The following PDE7B variants were observed in gnomAD, a reference collection of about 807,000 sequenced individuals.
PDE7B encodes phosphodiesterase 7B, also known as 3',5'-cyclic-AMP phosphodiesterase 7B.
PDE7B carries 29 observed loss-of-function variants against 56.2 expected under a neutral mutation model. The ratio of observed to expected loss-of-function variants is 0.52; its 90% CI spans 0.38 to 0.70. The LOEUF is 0.70. Among genes scored for constraint, PDE7B ranks in the 30% least tolerant of loss-of-function variants. The pLI is 0.00. For missense variants in PDE7B, 490 were observed against 565.0 expected, an observed-to-expected ratio of 0.87 and a Z score of 1.35; for synonymous variants, 197 against 196.9, an observed-to-expected ratio of 1.00 and a Z score of 0.00.
At chr6:136,119,670 T>A (rs1777896459) in intron 3 of PDE7B, among the ~76,000 whole-genome samples, 1 of 152,198 alleles carries the variant, frequency 6.6e-6, no homozygotes, top group South Asian at 2.1e-4. Flanking sequence ...AGCTTTTAAA[T>A]GAAGACACTC....
At chr6:135,963,369 A>G (rs1774941298) in intron 2 of PDE7B, among the ~76,000 whole-genome samples, 1 of 152,208 alleles carries the variant, frequency 6.6e-6, no homozygotes, top group Admixed American at 6.5e-5. Context: ...ATAAAGGTAC[A>G]GTTATTTTGT....
chr6:136,094,474 C>A (rs566816001), intron 2 of PDE7B, among the ~76,000 whole-genome samples: 5 of 152,280 alleles, frequency 3.3e-5, no homozygotes, highest in African/African-American at 1.2e-4. Flanking sequence ...CCCAGATAGT[C>A]TCTTGGCTTC....
intron 6 of PDE7B, among the ~76,000 whole-genome samples, chr6:136,151,484 C>A (rs1333286196): frequency 6.6e-6 from 1 of 152,090 alleles, no homozygotes; most frequent in Non-Finnish European, 1.5e-5. Context: ...GGGGTGCTAA[C>A]CCCCTGTGTA....
chr6:135,920,548 T>C (rs1774055243), intron 1 of PDE7B, among the ~76,000 whole-genome samples: 1 of 152,170 alleles, frequency 6.6e-6, no homozygotes, highest in Non-Finnish European at 1.5e-5. Context: ...GTGTCACCCA[T>C]ATGATAGTGA....
chr6:136,033,532 T>C (rs1372369083), intron 2 of PDE7B, among the ~76,000 whole-genome samples: 2 of 152,090 alleles, frequency 1.3e-5, no homozygotes, highest in East Asian at 3.9e-4. Context: ...TTAATATTCA[T>C]TTGCAGAGTG....
At chr6:136,107,474 T>A (rs992923114) in intron 2 of PDE7B, among the ~76,000 whole-genome samples, 1 of 152,164 alleles carries the variant, frequency 6.6e-6, no homozygotes, top group African/African-American at 2.4e-5. Context: ...ATCCACTAAG[T>A]ACCAGACAGC....
intron 1 of PDE7B, among the ~76,000 whole-genome samples, chr6:135,939,976 G>A (rs9385749): frequency 0.34 from 52,269 of 152,006 alleles, 9,436 homozygotes; most frequent in Admixed American, 0.49. Flanking sequence ...TACAATGCTA[G>A]AGTAATTCAT....
chr6:136,110,711 C>CTT (rs1562495600), intron 3 of PDE7B, among the ~76,000 whole-genome samples: 1 of 138,634 alleles, frequency 7.2e-6, no homozygotes, highest in African/African-American at 2.8e-5. Flanking sequence ...GATTCTGCAA[C>CTT]ATTTTTTTTT....
chr6:135,932,065 C>T (rs879270533), intron 1 of PDE7B, among the ~76,000 whole-genome samples: 2 of 151,640 alleles, frequency 1.3e-5, no homozygotes, highest in South Asian at 2.1e-4. Flanking sequence ...CTAAGGACCT[C>T]GTGGCTTAAT....
Position 136,169,103 on chromosome 6 carries a change from GT to G in PDE7B, c.712-4688del, listed in dbSNP as rs576734062. 3.6e-3 allele frequency among the ~76,000 whole-genome samples: 545 copies of G among 152,192 alleles called. 3 individuals carry two copies. Among genetic ancestry groups the G allele is most frequent in the Non-Finnish European group, 6.7e-3 (454 of 67,978 alleles). ...TCTGTGGCCTCCCTAAGAAACCTGA[GT>G]TTTTTATGACCTATGAATTCATGAT... On this transcript the variant is annotated intron_variant, in intron 8 of 12. Transcript: ENST00000308191.
intron 2 of PDE7B, among the ~76,000 whole-genome samples, chr6:136,096,731 T>C (rs1777476312): frequency 6.6e-6 from 1 of 152,126 alleles, no homozygotes; most frequent in Non-Finnish European, 1.5e-5. Flanking sequence ...AGTTGACCAA[T>C]TGCAAGCCAA....
At chr6:135,958,176 G>C (rs959812726) in intron 2 of PDE7B, among the ~76,000 whole-genome samples, 9 of 152,110 alleles carry the variant, frequency 5.9e-5, no homozygotes, top group Admixed American at 2.0e-4. Flanking sequence ...AGGTTGCAGT[G>C]AGCCTAGATC....
chr6:136,108,665 T>C (rs1335087112), intron 2 of PDE7B, 66 bp from the exon 3 acceptor site: 8 of 1,053,948 alleles, frequency 7.6e-6, no homozygotes, highest in South Asian at 5.0e-5. Flanking sequence ...ATTGAGGATT[T>C]ACAGGGGAAA....
chr6:136,037,497 C>T, intron 2 of PDE7B: 2 of 985,436 alleles, frequency 2.0e-6, no homozygotes, highest in South Asian at 9.4e-5. Context: ...CACTGAGGAT[C>T]AACCAAGCCC....
intron 2 of PDE7B, among the ~76,000 whole-genome samples, chr6:136,066,298 T>C (rs1776934941): frequency 6.6e-6 from 1 of 152,174 alleles, no homozygotes; most frequent in Non-Finnish European, 1.5e-5. Context: ...CCATGTTTGC[T>C]GTTTGGGTTT....
chr6:135,962,681 G>A (rs1316014404), intron 2 of PDE7B, among the ~76,000 whole-genome samples: 1 of 152,146 alleles, frequency 6.6e-6, no homozygotes, highest in Admixed American at 6.5e-5. Context: ...GGTGGAATAT[G>A]CATAAATAGA....
intron 2 of PDE7B, among the ~76,000 whole-genome samples, chr6:136,001,331 C>T (rs377514563): frequency 2.2e-4 from 33 of 151,938 alleles, no homozygotes; most frequent in East Asian, 1.5e-3. Context: ...TCACCAGCAA[C>T]GGAACAAAGC....
chr6:135,967,072 A>T (rs1264223194), intron 2 of PDE7B, among the ~76,000 whole-genome samples: 2 of 152,172 alleles, frequency 1.3e-5, no homozygotes, highest in East Asian at 3.9e-4. Flanking sequence ...AGGTACACAC[A>T]TCAGCCTGGA....
At chr6:135,975,416 G>C (rs1775168008) in intron 2 of PDE7B, among the ~76,000 whole-genome samples, 2 of 152,102 alleles carry the variant, frequency 1.3e-5, no homozygotes, top group African/African-American at 4.8e-5. Context: ...CCTTCCACTA[G>C]GAAGGATATG....
Sources: allele counts gnomAD v4.1 joint callset (sites outside exome capture counted in the v4.1 genomes callset), GRCh38; gene constraint gnomAD v4.1.1; transcripts MANE v1.5; gene names NCBI Gene and HGNC (gene_info 2026-07-23, HGNC 2026-07-21).